Variants in CHCHD3 observed in about 807,000 individuals in gnomAD.
CHCHD3 encodes coiled-coil-helix-coiled-coil-helix domain containing 3.
A neutral mutation model predicts 38.2 loss-of-function variants in CHCHD3; 20 were observed. The observed-to-expected ratio is 0.52, with a 90% CI of 0.37 to 0.76. The LOEUF (loss-of-function observed/expected upper bound fraction) is 0.76, where lower values mean the gene tolerates loss of function less well. Among genes scored for constraint, CHCHD3 ranks in the 30% least tolerant of loss-of-function variants. The pLI, the probability that CHCHD3 is intolerant of heterozygous loss-of-function variation, is 0.00. For synonymous variants in CHCHD3, 82 were observed against 100.0 expected (o/e 0.82, Z 1.07); for missense variants, 245 against 279.2 (o/e 0.88, Z 0.87).
chr7:132,821,747 C>CTTT (rs71178063), intron 6 of CHCHD3, among the ~76,000 whole-genome samples: 2,305 of 100,224 alleles, frequency 0.023, 457 homozygotes, highest in African/African-American at 0.09. Flanking sequence ...GCACTCAAAT[C>CTTT]TTTTTTTTTT....
In CHCHD3 at chr7:133,014,329, C is replaced by CAA. The variant is rs35895641; in HGVS notation, c.251+10215_251+10216dup. Reference sequence around the variant, plus strand: ...CACTAAAATTGTTTGGGGGATAACTCAAAAAAAAAAAAAAAACCTTTCAAA... The same window carrying CAA: ...CACTAAAATTGTTTGGGGGATAACTCAAAAAAAAAAAAAAAAAACCTTTCAAA... On this transcript the variant is annotated intron_variant, in intron 3 of 7. Coordinates refer to ENST00000262570, the MANE Select transcript of CHCHD3 (RefSeq NM_017812.4). Among the ~76,000 whole-genome samples, 965 of 121,460 alleles carry CAA rather than the reference C, an allele frequency of 7.9e-3. 5 individuals carry two copies. Among genetic ancestry groups the CAA allele is most frequent in the South Asian group, 0.031 (125 of 4,010 alleles). The allele number at this position is 121,460 out of a possible 152,430, so 79.7% of individuals were successfully genotyped here. A position where few individuals can be genotyped will look rare whatever the true frequency, so the allele number is the denominator to read the frequency against.
At chr7:133,034,503 CCA>C (rs1279148284) in intron 2 of CHCHD3, 3 of 666,578 alleles carry the variant, frequency 4.5e-6, no homozygotes, top group Non-Finnish European at 7.0e-6. Context: ...GCAATTGGAT[CCA>C]GTCTTTTTTT....
chr7:132,991,820 A>G (rs2117372477), intron 3 of CHCHD3, among the ~76,000 whole-genome samples: 1 of 152,252 alleles, frequency 6.6e-6, no homozygotes, highest in East Asian at 1.9e-4. Context: ...ATCCTGGTCT[A>G]TCATTTATGT....
At chr7:132,932,513 C>T (rs375249668) in intron 4 of CHCHD3, among the ~76,000 whole-genome samples, 2 of 152,314 alleles carry the variant, frequency 1.3e-5, no homozygotes, top group East Asian at 1.9e-4. Flanking sequence ...TATTGGCCTA[C>T]GCAACTTGCC....
chr7:132,943,374 T>C (rs1420961602), intron 4 of CHCHD3, among the ~76,000 whole-genome samples: 2 of 152,122 alleles, frequency 1.3e-5, no homozygotes, highest in African/African-American at 4.8e-5. Context: ...GGTTCAAGAA[T>C]TGGTAAATAT....
intron 4 of CHCHD3, among the ~76,000 whole-genome samples, chr7:132,964,966 C>T (rs1199048970): frequency 6.6e-6 from 1 of 152,082 alleles, no homozygotes; most frequent in Non-Finnish European, 1.5e-5. Context: ...ATTGTGCATA[C>T]ATTATTTCAC....
At chr7:132,963,724 A>G (rs1048754950) in intron 4 of CHCHD3, among the ~76,000 whole-genome samples, 8 of 100,510 alleles carry the variant, frequency 8.0e-5, no homozygotes, top group African/African-American at 3.2e-4. Context: ...TAATCTAGCA[A>G]TGTTAATACT....
chr7:132,837,151 C>A (rs375512757), intron 6 of CHCHD3, among the ~76,000 whole-genome samples: 26 of 152,078 alleles, frequency 1.7e-4, no homozygotes, highest in East Asian at 1.2e-3. Flanking sequence ...TCTAATGTAT[C>A]CGAAATTTAG....
At chr7:133,079,515 C>T (rs929363012) in intron 1 of CHCHD3, among the ~76,000 whole-genome samples, 3 of 152,154 alleles carry the variant, frequency 2.0e-5, no homozygotes, top group African/African-American at 7.2e-5. Flanking sequence ...ATAATGGCTG[C>T]CTTTTTAATG....
intron 4 of CHCHD3, among the ~76,000 whole-genome samples, chr7:132,932,813 T>C (rs1169724927): frequency 6.6e-6 from 1 of 152,184 alleles, no homozygotes; most frequent in African/African-American, 2.4e-5. Flanking sequence ...AGCCCTGACT[T>C]ATCCAACTTC....
intron 6 of CHCHD3, among the ~76,000 whole-genome samples, chr7:132,832,245 G>T (rs1457541877): frequency 6.6e-6 from 1 of 152,074 alleles, no homozygotes; most frequent in Non-Finnish European, 1.5e-5. Flanking sequence ...TACTTTATAA[G>T]GATAACCTAA....
intron 4 of CHCHD3, among the ~76,000 whole-genome samples, chr7:132,936,003 T>C (rs530893601): frequency 6.6e-6 from 1 of 152,236 alleles, no homozygotes; most frequent in East Asian, 1.9e-4. Context: ...TGCCTACACC[T>C]GAGATAACAG....
chr7:133,021,189 CAT>C (rs1027685618), intron 3 of CHCHD3, among the ~76,000 whole-genome samples: 11 of 152,260 alleles, frequency 7.2e-5, no homozygotes, highest in Non-Finnish European at 1.2e-4. Flanking sequence ...TATGAATATA[CAT>C]ATGTTTTCAA....
At chr7:132,944,606 A>G (rs1810852331) in intron 4 of CHCHD3, among the ~76,000 whole-genome samples, 1 of 152,136 alleles carries the variant, frequency 6.6e-6, no homozygotes, top group East Asian at 1.9e-4. Context: ...TAAAATAATT[A>G]CATTGTTGTA....
chr7:132,898,553 C>A (rs1809570361), intron 4 of CHCHD3, among the ~76,000 whole-genome samples: 1 of 152,240 alleles, frequency 6.6e-6, no homozygotes, highest in Non-Finnish European at 1.5e-5. Flanking sequence ...CCCAGTGGAT[C>A]CCGCACCCAG....
intron 3 of CHCHD3, among the ~76,000 whole-genome samples, chr7:132,990,197 T>C (rs1318940947): frequency 6.6e-6 from 1 of 152,062 alleles, no homozygotes; most frequent in Non-Finnish European, 1.5e-5. Flanking sequence ...ATAAATAACC[T>C]GTTTTACAGA....
At chr7:133,028,613 G>T (rs1307834118) in intron 2 of CHCHD3, among the ~76,000 whole-genome samples, 1 of 151,860 alleles carries the variant, frequency 6.6e-6, no homozygotes, top group Non-Finnish European at 1.5e-5. Context: ...AAGGCCAGGT[G>T]CGGTGGCTCA....
chr7:132,977,526 A>T (rs757726479), intron 3 of CHCHD3, among the ~76,000 whole-genome samples: 33 of 152,236 alleles, frequency 2.2e-4, no homozygotes, highest in Non-Finnish European at 4.1e-4. Flanking sequence ...TTGTATGGAC[A>T]TCTTACCCCT....
chr7:132,955,173 GGTGTGTGTGTGTGT>G (rs3050414), intron 4 of CHCHD3, among the ~76,000 whole-genome samples: 11 of 126,226 alleles, frequency 8.7e-5, no homozygotes, highest in South Asian at 2.9e-4. Flanking sequence ...TCCCTCAGAG[GGTGTGTGTGTGTGT>G]GTGTGTGTGT....
Sources: gnomAD v4.1 joint callset for allele counts (sites outside exome capture counted in the v4.1 genomes callset) on GRCh38, gnomAD v4.1.1 for gene constraint, MANE v1.5 for transcripts, NCBI Gene and HGNC (gene_info 2026-07-23, HGNC 2026-07-21) for gene names.